CEP112: variants seen among roughly 807,000 people sequenced by gnomAD.
CEP112 encodes the protein centrosomal protein of 112 kDa.
In CEP112, 127 loss-of-function variants were observed where a neutral mutation model predicts 153.0. The ratio of observed to expected loss-of-function variants is 0.83; its 90% confidence interval spans 0.72 to 0.96. The LOEUF (loss-of-function observed/expected upper bound fraction) is 0.96, where lower values mean the gene tolerates loss of function less well. Among genes scored for constraint, CEP112 ranks in the 40% least tolerant of loss-of-function variants. The pLI is 0.00. For synonymous variants in CEP112, 358 were observed against 374.4 expected, an observed-to-expected ratio of 0.96 and a Z score of 0.51; for missense variants, 1,089 against 1,101.2, an observed-to-expected ratio of 0.99 and a Z score of 0.16.
chr17:66,066,082 A>G (rs902115050), intron 10 of CEP112, among the ~76,000 whole-genome samples: 7 of 152,134 alleles, frequency 4.6e-5, no homozygotes, highest in African/African-American at 1.4e-4. Flanking sequence ...AAATTTTACA[A>G]AAGTTCCTTT....
At chr17:65,937,185 G>A (rs1388311265) in intron 18 of CEP112, among the ~76,000 whole-genome samples, 6 of 138,216 alleles carry the variant, frequency 4.3e-5, no homozygotes, top group Admixed American at 3.1e-4. Flanking sequence ...CCTCCCAGCT[G>A]CCTGCCTTGG....
intron 18 of CEP112, among the ~76,000 whole-genome samples, chr17:65,935,506 A>G (rs1404158247): frequency 6.6e-6 from 1 of 152,202 alleles, no homozygotes; most frequent in Non-Finnish European, 1.5e-5. Flanking sequence ...ATTCTGCAGA[A>G]CTATGTTAGG....
intron 17 of CEP112, among the ~76,000 whole-genome samples, chr17:65,967,227 T>C (rs979797883): frequency 1.3e-5 from 2 of 152,182 alleles, no homozygotes; most frequent in Non-Finnish European, 2.9e-5. Flanking sequence ...GGTTGAAGCA[T>C]GTTAGTTATA....
intron 17 of CEP112, among the ~76,000 whole-genome samples, chr17:65,970,681 TCA>T (rs1204312302): frequency 5.9e-5 from 9 of 151,984 alleles, no homozygotes; most frequent in East Asian, 5.8e-4. Flanking sequence ...TACACGCATA[TCA>T]CACACATGCA....
At chr17:65,864,584 G>T (rs1003833084) in intron 20 of CEP112, among the ~76,000 whole-genome samples, 13 of 152,164 alleles carry the variant, frequency 8.5e-5, no homozygotes, top group East Asian at 3.9e-4. Flanking sequence ...GGCATTATCA[G>T]AACTGCTTCA....
At chr17:65,969,082 A>ATT (rs199636922) in intron 17 of CEP112, among the ~76,000 whole-genome samples, 39,317 of 140,982 alleles carry the variant, frequency 0.28, 6,989 homozygotes, top group Non-Finnish European at 0.41. Flanking sequence ...GTGTGTGTGG[A>ATT]TTTTTTTTTT....
At chr17:66,157,842 C>T (rs963730580) in intron 4 of CEP112, among the ~76,000 whole-genome samples, 1 of 152,096 alleles carries the variant, frequency 6.6e-6, no homozygotes, top group Non-Finnish European at 1.5e-5. Flanking sequence ...AGCTAAGTAT[C>T]CTAAGTATAT....
At chr17:65,669,380 G>A (rs1419197229) in intron 24 of CEP112, among the ~76,000 whole-genome samples, 4 of 152,162 alleles carry the variant, frequency 2.6e-5, no homozygotes, top group Non-Finnish European at 4.4e-5. Flanking sequence ...GGGTATAAAC[G>A]TAGGGTTGGA....
Position 65,999,225 on chromosome 17 carries a change from C to T in CEP112, c.1736+6465G>A, listed in dbSNP as rs9907394. Among the ~76,000 whole-genome samples, 763 of 144,366 alleles carry T rather than the reference C, an allele frequency of 5.3e-3. 8 individuals carry two copies. The highest frequency in any genetic ancestry group is 0.019 in the African/African-American group (732 of 38,722). 94.7% of individuals were successfully genotyped at this position (144,366 alleles called of 152,430 possible). On this transcript the variant is annotated intron_variant, in intron 17 of 26. Transcript: ENST00000535342. ...TTTTTTTTTTTTTTTGAGACGGAGT[C>T]TCGCTCTTTCACTCCAGCCTGGGCT...
chr17:65,769,568 C>G (rs1430657669), intron 21 of CEP112, among the ~76,000 whole-genome samples: 1 of 151,982 alleles, frequency 6.6e-6, no homozygotes, highest in Non-Finnish European at 1.5e-5. Context: ...GAAACAGATG[C>G]CTAGACTAAT....
At chr17:65,860,360 T>C (rs1217609804) in intron 20 of CEP112, among the ~76,000 whole-genome samples, 2 of 151,376 alleles carry the variant, frequency 1.3e-5, no homozygotes, top group Non-Finnish European at 3.0e-5. Flanking sequence ...TCTCTGCAGA[T>C]TAATCTAGAG....
intron 21 of CEP112, among the ~76,000 whole-genome samples, chr17:65,851,314 T>C (rs901969918): frequency 1.3e-5 from 2 of 152,176 alleles, no homozygotes; most frequent in Admixed American, 6.5e-5. Flanking sequence ...ATTCCAATAA[T>C]ATATACTTCT....
At chr17:65,701,093 TG>T (rs1341644024) in intron 23 of CEP112, among the ~76,000 whole-genome samples, 1 of 152,108 alleles carries the variant, frequency 6.6e-6, no homozygotes, top group Non-Finnish European at 1.5e-5. Flanking sequence ...CTGCCATGGC[TG>T]GGAGGCCATT....
rs552594295 is a variant in CEP112, at chr17:65,904,202, C to A, written c.1981-1868G>T. Among the ~76,000 whole-genome samples, 4 of 152,232 alleles carry A rather than the reference C, an allele frequency of 2.6e-5. No individual in the cohort carries two copies. The East Asian group carries it at 7.7e-4, about 29-fold the overall frequency. On this transcript the variant is annotated intron_variant, in intron 19 of 26. Transcript: ENST00000535342. ...TGACATGATTGTATATTTGGAAAAC[C>A]CCATCGTCTCAGCCCCAAATCTCCT... is the stretch of plus-strand genomic sequence containing the variant.
chr17:66,000,606 C>T (rs1345672468), intron 17 of CEP112, among the ~76,000 whole-genome samples: 2 of 152,114 alleles, frequency 1.3e-5, no homozygotes. Flanking sequence ...AAACATCATG[C>T]ATAACACTTC....
chr17:65,970,426 G>A lies in CEP112; in HGVS notation c.1737-8828C>T, dbSNP rs537416641. Among the ~76,000 whole-genome samples the A allele has an allele frequency of 9.9e-3, 478 of 48,506 alleles. 54 individuals carry two copies. The highest frequency in any genetic ancestry group is 0.026 in the African/African-American group (444 of 16,990). The allele number at this position is 48,506 out of a possible 152,430, so 31.8% of individuals were successfully genotyped here. On this transcript the variant is annotated intron_variant, in intron 17 of 26. Transcript: ENST00000535342. ...CACACATCATGCATGTATATTACATGCATGCACACATCATGCATGTATATT... is the reference window on the plus strand; with the variant it reads ...CACACATCATGCATGTATATTACATACATGCACACATCATGCATGTATATT...
Position 65,821,540 on chromosome 17 carries a change from ATTTTTTTTTTTTTT to A in CEP112, c.2394+30250_2394+30263del, listed in dbSNP as rs869059954. Reference sequence around the variant, plus strand: ...TATATATATATATATATATATATATATTTTTTTTTTTTTTTTTTTTTTTTTTTCTGAGACGGAGT... The same window carrying A: ...TATATATATATATATATATATATATATTTTTTTTTTTTTCTGAGACGGAGT... On this transcript the variant is annotated intron_variant, in intron 21 of 26. Transcript: ENST00000535342. 4.2e-4 allele frequency among the ~76,000 whole-genome samples: 14 copies of A among 33,630 alleles called. No individual in the cohort carries two copies. In the Admixed American group the frequency reaches 4.2e-3, roughly 10 times the overall value. The allele number at this position is 33,630 out of a possible 152,430, so 22.1% of individuals were successfully genotyped here.
chr17:66,122,343 C>A (rs1461347601), intron 6 of CEP112, among the ~76,000 whole-genome samples: 1 of 152,120 alleles, frequency 6.6e-6, no homozygotes, highest in African/African-American at 2.4e-5. Flanking sequence ...GCCATACTTT[C>A]CTGTTTCTTT....
At chr17:65,760,517 T>G (rs778828497) in intron 21 of CEP112, among the ~76,000 whole-genome samples, 1 of 152,190 alleles carries the variant, frequency 6.6e-6, no homozygotes, top group Non-Finnish European at 1.5e-5. Context: ...ATTAATATGA[T>G]CATATGATCA....
Sources: allele counts gnomAD v4.1 joint callset (sites outside exome capture counted in the v4.1 genomes callset), GRCh38; gene constraint gnomAD v4.1.1; transcripts MANE v1.5; gene names NCBI Gene and HGNC (gene_info 2026-07-23, HGNC 2026-07-21).